CALN1: variants seen among roughly 807,000 people sequenced by gnomAD.
CALN1 encodes the protein calneuron 1.
A neutral mutation model predicts 30.6 loss-of-function variants in CALN1; 17 were observed. The ratio of observed to expected loss-of-function variants is 0.56; its 90% CI spans 0.38 to 0.83. The LOEUF (loss-of-function observed/expected upper bound fraction) is 0.83. CALN1 is among the 40% of genes least tolerant of loss of function. The pLI, the probability that CALN1 is intolerant of heterozygous loss-of-function variation, is 0.00. For missense variants in CALN1, 291 were observed against 354.9 expected (o/e 0.82, Z 1.45); for synonymous variants, 156 against 131.4 (o/e 1.19, Z -1.28).
Position 71,829,115 on chromosome 7 carries a change from CAT to C in CALN1, c.502-18625_502-18624del, listed in dbSNP as rs1471350231. ...AGCTGTGCCCCAACCACCTTGTGCA[CAT>C]GTCAGGACTCCCTGAGGCTGTGTCA... On this transcript the variant is annotated intron_variant, in intron 5 of 6. Coordinates refer to ENST00000395275, the MANE Select transcript of CALN1 (RefSeq NM_031468.4). Among the ~76,000 whole-genome samples the C allele has an allele frequency of 1.6e-4, 24 of 152,286 alleles. No individual in the cohort carries two copies. In the South Asian group the frequency reaches 1.7e-3, roughly 11 times the overall value.
At position 71,840,485 on chromosome 7, in the gene CALN1, T is replaced by TAA. The variant is rs61579583; in HGVS notation, c.502-29995_502-29994dup. On this transcript the variant is annotated intron_variant, in intron 5 of 6. Transcript: ENST00000395275. The stretch of plus-strand genomic sequence containing the variant: ...GGGTGACACAGTAAGATGCTCTCTT[T>TAA]AAAAAAAAAAAAAAAAAAAAAAAAA... Among the ~76,000 whole-genome samples the TAA allele has an allele frequency of 3.0e-3, 305 of 101,320 alleles. 3 individuals are homozygous for TAA. The highest frequency in any genetic ancestry group is 0.012 in the African/African-American group (284 of 24,256). 66.5% of individuals were successfully genotyped at this position (101,320 alleles called of 152,430 possible). A position where few individuals can be genotyped will look rare whatever the true frequency, so the allele number is the denominator to read the frequency against.
the CALN1 span, among the ~76,000 whole-genome samples, chr7:72,501,950 C>CACAA: frequency 1.5e-5 from 1 of 68,290 alleles, no homozygotes; most frequent in Non-Finnish European, 2.7e-5. Flanking sequence ...TATATATATA[C>CACAA]ACACATATAT....
intron 3 of CALN1, among the ~76,000 whole-genome samples, chr7:72,189,881 G>A (rs755337235): frequency 4.5e-4 from 68 of 152,174 alleles, no homozygotes; most frequent in Non-Finnish European, 7.8e-4. Context: ...CTTTACTGGG[G>A]CATAGGATAC....
At chr7:72,255,729 T>C (rs1405546700) in intron 3 of CALN1, among the ~76,000 whole-genome samples, 1 of 111,644 alleles carries the variant, frequency 9.0e-6, no homozygotes, top group Admixed American at 9.7e-5. Flanking sequence ...CTCACTTAAA[T>C]AATTTTTTTT....
intron 5 of CALN1, among the ~76,000 whole-genome samples, chr7:71,945,122 G>A (rs1417617675): frequency 6.6e-6 from 1 of 152,132 alleles, no homozygotes; most frequent in Non-Finnish European, 1.5e-5. Context: ...CTGTTTAAAA[G>A]AGCATGGCAT....
intron 4 of CALN1, among the ~76,000 whole-genome samples, chr7:72,065,632 C>G (rs1201625790): frequency 1.3e-5 from 2 of 152,122 alleles, no homozygotes; most frequent in East Asian, 3.9e-4. Context: ...TGTGGGATCT[C>G]AAGGTGAGGA....
At chr7:72,411,800 A>ACTTT (rs1807172150) in intron 1 of CALN1, among the ~76,000 whole-genome samples, 1 of 145,824 alleles carries the variant, frequency 6.9e-6, no homozygotes, top group African/African-American at 2.8e-5. Context: ...TTACTCTTTT[A>ACTTT]AAGTAATAAG....
intron 3 of CALN1, among the ~76,000 whole-genome samples, chr7:72,227,940 T>C (rs964380392): frequency 6.6e-5 from 10 of 151,940 alleles, no homozygotes; most frequent in East Asian, 3.9e-4. Flanking sequence ...TCCCAGGACC[T>C]ATGCCTTCTC....
intron 3 of CALN1, among the ~76,000 whole-genome samples, chr7:72,107,590 T>C (rs1014564267): frequency 6.6e-6 from 1 of 152,150 alleles, no homozygotes; most frequent in Admixed American, 6.5e-5. Context: ...CTGGATTGGA[T>C]GTATAACACA....
chr7:72,375,651 G>C (rs746610297), intron 2 of CALN1, among the ~76,000 whole-genome samples: 1 of 151,446 alleles, frequency 6.6e-6, no homozygotes, highest in Non-Finnish European at 1.5e-5. Context: ...TAAAAATATA[G>C]ACTTTAAACA....
chr7:72,502,049 G>C, the CALN1 span, among the ~76,000 whole-genome samples: 2 of 141,560 alleles, frequency 1.4e-5, no homozygotes, highest in Non-Finnish European at 3.0e-5. Context: ...ACGTTAGAAA[G>C]ACTTTTTAAT....
chr7:72,308,591 T>C (rs369429975), intron 2 of CALN1, among the ~76,000 whole-genome samples: 14 of 152,168 alleles, frequency 9.2e-5, no homozygotes, highest in African/African-American at 3.1e-4. Flanking sequence ...GGAACTGCAA[T>C]GAAAACATTG....
chr7:72,491,073 T>C, the CALN1 span, among the ~76,000 whole-genome samples: 1 of 151,782 alleles, frequency 6.6e-6, no homozygotes, highest in Non-Finnish European at 1.5e-5. Context: ...TGAAACCCTG[T>C]CTCTACTAAA....
intron 5 of CALN1, among the ~76,000 whole-genome samples, chr7:71,926,531 ATGTCT>A (rs1472282915): frequency 2.6e-5 from 4 of 152,088 alleles, no homozygotes; most frequent in Admixed American, 2.0e-4. Flanking sequence ...CTGTGATTTG[ATGTCT>A]TATATTATTT....
chr7:72,376,273 T>C (rs1251767001), intron 2 of CALN1, among the ~76,000 whole-genome samples: 1 of 152,252 alleles, frequency 6.6e-6, no homozygotes, highest in Non-Finnish European at 1.5e-5. Context: ...GTGGAACTGC[T>C]GGATCCTATG....
chr7:71,934,779 A>C (rs752318737), intron 5 of CALN1, among the ~76,000 whole-genome samples: 2 of 152,176 alleles, frequency 1.3e-5, no homozygotes, highest in Non-Finnish European at 2.9e-5. Context: ...AAGAGGTTTA[A>C]TGGACTCCCA....
At chr7:72,142,595 A>G (rs1056610641) in intron 3 of CALN1, among the ~76,000 whole-genome samples, 1 of 152,192 alleles carries the variant, frequency 6.6e-6, no homozygotes, top group Non-Finnish European at 1.5e-5. Flanking sequence ...TGCAGACTTA[A>G]ATGTTCCAGT....
chr7:71,951,950 T>G (rs1451179549), intron 5 of CALN1, among the ~76,000 whole-genome samples: 1 of 151,946 alleles, frequency 6.6e-6, no homozygotes, highest in Admixed American at 6.6e-5. Context: ...TTTTTTCCAT[T>G]CCCCTCCTGG....
chr7:71,845,686 G>T (rs941536343), intron 5 of CALN1, among the ~76,000 whole-genome samples: 2 of 152,106 alleles, frequency 1.3e-5, no homozygotes, highest in African/African-American at 4.8e-5. Flanking sequence ...CTCTGGGGTG[G>T]CATCCAGCAC....
Sources: gnomAD v4.1 joint callset for allele counts (sites outside exome capture counted in the v4.1 genomes callset) on GRCh38, gnomAD v4.1.1 for gene constraint, MANE v1.5 for transcripts, NCBI Gene and HGNC (gene_info 2026-07-23, HGNC 2026-07-21) for gene names.